The following MDGA2 variants were observed in gnomAD, a reference collection of about 807,000 sequenced individuals.
MDGA2 encodes the protein MAM domain-containing glycosylphosphatidylinositol anchor protein 2.
MDGA2 carries 40 observed loss-of-function variants against 117.8 expected under a neutral mutation model. The observed-to-expected ratio is 0.34, with a 90% CI of 0.26 to 0.44. The LOEUF (loss-of-function observed/expected upper bound fraction) is 0.44, where lower values mean the gene tolerates loss of function less well. Among genes scored for constraint, MDGA2 ranks in the 20% least tolerant of loss-of-function variants. The pLI is 1.00. For missense variants in MDGA2, 1,123 were observed against 1,250.6 expected, an observed-to-expected ratio of 0.90 and a Z score of 1.54; for synonymous variants, 452 against 439.0, an observed-to-expected ratio of 1.03 and a Z score of -0.37.
intron 3 of MDGA2, chr14:47,200,580 C>T: frequency 2.1e-6 from 2 of 962,270 alleles, no homozygotes; most frequent in East Asian, 2.8e-5. Flanking sequence ...TGGGCTCAGA[C>T]CAGGAGTCCG....
At chr14:47,351,684 TG>T (rs1049992353) in intron 1 of MDGA2, among the ~76,000 whole-genome samples, 32 of 152,168 alleles carry the variant, frequency 2.1e-4, no homozygotes, top group African/African-American at 7.7e-4. Context: ...ATAAGTTTCA[TG>T]TTAATACCTA....
intron 3 of MDGA2, 129 bp from the exon 4 acceptor site, chr14:47,144,403 T>G (rs1476791838): frequency 1.7e-6 from 1 of 583,424 alleles, no homozygotes; most frequent in Admixed American, 3.4e-5. Flanking sequence ...AGGTACTCTT[T>G]TTTTCACTCA....
intron 1 of MDGA2, among the ~76,000 whole-genome samples, chr14:47,464,528 T>C (rs979406428): frequency 6.6e-6 from 1 of 152,056 alleles, no homozygotes; most frequent in Non-Finnish European, 1.5e-5. Context: ...AGCCTGCCTA[T>C]GCATCAACAA....
At chr14:47,658,575 G>C (rs149860826) in intron 1 of MDGA2, among the ~76,000 whole-genome samples, 1 of 152,098 alleles carries the variant, frequency 6.6e-6, no homozygotes, top group Non-Finnish European at 1.5e-5. Flanking sequence ...AGCTCCTGGA[G>C]GGCCAGTTCT....
chr14:47,508,985 C>T (rs1291695218), intron 1 of MDGA2, among the ~76,000 whole-genome samples: 4 of 152,126 alleles, frequency 2.6e-5, no homozygotes, highest in Non-Finnish European at 4.4e-5. Flanking sequence ...CTACTGCAAC[C>T]GGCCAAGGAA....
rs1311805851 is a variant in MDGA2, at chr14:46,915,059, A to G, written c.2238+4953T>C. ...ATGCCTAACTCAGTGTATTTAAACC[A>G]TCCAAGTTATGTTTACTATGTTCAA... On this transcript the variant is annotated intron_variant, in intron 10 of 16. Transcript: ENST00000399232. Among the ~76,000 whole-genome samples the G allele has an allele frequency of 2.0e-5, 3 of 152,250 alleles. 1 individual carries two copies. Among genetic ancestry groups the G allele is most frequent in the South Asian group, 4.1e-4 (2 of 4,822 alleles).
intron 14 of MDGA2, among the ~76,000 whole-genome samples, chr14:46,865,030 C>A (rs10136066): frequency 1.3e-5 from 2 of 151,788 alleles, no homozygotes; most frequent in South Asian, 4.2e-4. Context: ...AAAAAAAATC[C>A]CAATATGTGA....
rs1372641735 is a variant in MDGA2 at position 47,056,748 on chromosome 14, TG to T, written c.1525+4500del. 3.9e-5 allele frequency among the ~76,000 whole-genome samples: 6 copies of T among 152,298 alleles called. No individual in the cohort carries two copies. In the East Asian group the frequency reaches 1.2e-3, roughly 29 times the overall value. Reference sequence around the variant, plus strand: ...GAAGCAATGAGATATTTTGCAACAATGCCTTTGAAAATTAAGTCTACTGCTG... The same window carrying T: ...GAAGCAATGAGATATTTTGCAACAATCCTTTGAAAATTAAGTCTACTGCTG... On this transcript the variant is annotated intron_variant, in intron 7 of 16. Transcript: ENST00000399232.
At chr14:47,659,830 T>C (rs1010526024) in intron 1 of MDGA2, among the ~76,000 whole-genome samples, 3 of 152,236 alleles carry the variant, frequency 2.0e-5, no homozygotes, top group Non-Finnish European at 4.4e-5. Flanking sequence ...TCTTATGAAC[T>C]TGGATTTGAC....
At chr14:47,392,823 C>T (rs974214733) in intron 1 of MDGA2, among the ~76,000 whole-genome samples, 1 of 151,926 alleles carries the variant, frequency 6.6e-6, no homozygotes, top group African/African-American at 2.4e-5. Context: ...ACATAAAACA[C>T]ATAAGTCTGT....
At chr14:46,959,275 GTGTGTGT>G (rs1211820681) in intron 8 of MDGA2, among the ~76,000 whole-genome samples, 1 of 144,884 alleles carries the variant, frequency 6.9e-6, no homozygotes, top group Non-Finnish European at 1.5e-5. Context: ...GTGTGTGTGT[GTGTGTGT>G]GTGTGTGTGT....
At chr14:47,143,645 T>G (rs189941020) in intron 4 of MDGA2, among the ~76,000 whole-genome samples, 12 of 152,298 alleles carry the variant, frequency 7.9e-5, no homozygotes, top group Non-Finnish European at 1.2e-4. Context: ...TAAAGACATA[T>G]CTTTCCTAAA....
intron 2 of MDGA2, among the ~76,000 whole-genome samples, chr14:47,246,802 A>AACACACACACACACACACACACACAC (rs34773547): frequency 2.8e-5 from 4 of 141,850 alleles, no homozygotes; most frequent in African/African-American, 1.1e-4. Context: ...CAGGTAATGA[A>AACACACACACACACACACACACACAC]ACACACACAC....
chr14:47,292,553 G>C (rs1888926749), intron 2 of MDGA2, among the ~76,000 whole-genome samples: 3 of 151,878 alleles, frequency 2.0e-5, no homozygotes, highest in Admixed American at 2.0e-4. Flanking sequence ...GCCCTCAAAA[G>C]GCTTTGCTAG....
intron 10 of MDGA2, among the ~76,000 whole-genome samples, chr14:46,886,328 A>G (rs1488151836): frequency 1.3e-5 from 2 of 152,130 alleles, no homozygotes; most frequent in African/African-American, 4.8e-5. Context: ...TAGCATGAAA[A>G]AGGAACCTAT....
Position 47,674,918 on chromosome 14 carries a change from G to A in MDGA2, c.-122C>T. ...AAATCGCAGACGCCGGGGAGGAGCA[G>A]GGGGCGGTGATGGGAAGGGGAGCTG... is the stretch of plus-strand genomic sequence containing the variant. On this transcript the variant is annotated 5_prime_UTR_variant, in exon 1 of 17. Coordinates refer to ENST00000399232, the MANE Select transcript of MDGA2 (RefSeq NM_001113498.3). The A allele has an allele frequency of 1.9e-6, 1 of 527,088 alleles. No individual in the cohort carries two copies. The highest frequency in any genetic ancestry group is 3.3e-6 in the Non-Finnish European group (1 of 303,982). 32.7% of individuals were successfully genotyped at this position (527,088 alleles called of 1,614,324 possible).
At chr14:47,608,019 C>T (rs963464412) in intron 1 of MDGA2, among the ~76,000 whole-genome samples, 2 of 151,920 alleles carry the variant, frequency 1.3e-5, no homozygotes, top group Non-Finnish European at 2.9e-5. Context: ...CTCTAAAAGA[C>T]TTGTCATTAT....
In MDGA2 at chr14:46,926,661, A is replaced by T. The variant is rs186669704; in HGVS notation, c.2090-6501T>A. The stretch of plus-strand genomic sequence containing the variant: ...TGGAACCAAAATTACATTATCTTCA[A>T]ATTAATGAATCTTGAGTAAATTAAT... On this transcript the variant is annotated intron_variant, in intron 9 of 16. Transcript: ENST00000399232. Among the ~76,000 whole-genome samples the T allele has an allele frequency of 6.6e-5, 8 of 120,676 alleles. No homozygotes were observed. The East Asian group carries it at 1.5e-3, about 22-fold the overall frequency. The allele number at this position is 120,676 out of a possible 152,430, so 79.2% of individuals were successfully genotyped here. A position where few individuals can be genotyped will look rare whatever the true frequency, so the allele number is the denominator to read the frequency against.
intron 1 of MDGA2, among the ~76,000 whole-genome samples, chr14:47,521,074 C>T (rs561900904): frequency 6.6e-5 from 10 of 152,240 alleles, no homozygotes; most frequent in African/African-American, 2.2e-4. Flanking sequence ...AAATAACTTC[C>T]ACTTTGAAGG....
Sources: allele counts gnomAD v4.1 joint callset (sites outside exome capture counted in the v4.1 genomes callset), GRCh38; gene constraint gnomAD v4.1.1; transcripts MANE v1.5; gene names NCBI Gene and HGNC (gene_info 2026-07-23, HGNC 2026-07-21).